The following TAFA5 variants were observed in gnomAD, a reference collection of about 807,000 sequenced individuals.
TAFA5 encodes the protein chemokine-like protein TAFA-5.
A neutral mutation model predicts 15.3 loss-of-function variants in TAFA5; 6 were observed. The ratio of observed to expected loss-of-function variants is 0.39; its 90% CI spans 0.21 to 0.77. TAFA5 has a LOEUF of 0.77. Ranked by LOEUF, TAFA5 falls within the 30% of genes least tolerant of loss-of-function variation. The probability of loss-of-function intolerance (pLI) is 0.41; values close to 1 mark genes in which losing one functional copy is unlikely to be tolerated. For synonymous variants in TAFA5, 103 were observed against 80.7 expected (o/e 1.28, Z -1.48); for missense variants, 161 against 193.1 (o/e 0.83, Z 0.98).
intron 2 of TAFA5, among the ~76,000 whole-genome samples, chr22:48,671,199 C>T (rs972779896): frequency 1.3e-5 from 2 of 152,156 alleles, no homozygotes; most frequent in Admixed American, 6.5e-5. Context: ...TGCTAAGCTT[C>T]CCCAGGAGCT....
At chr22:48,579,852 G>A (rs1923967697) in intron 1 of TAFA5, among the ~76,000 whole-genome samples, 1 of 152,216 alleles carries the variant, frequency 6.6e-6, no homozygotes, top group Non-Finnish European at 1.5e-5. Flanking sequence ...GGCACCCAAA[G>A]GGACATGAGA....
intron 2 of TAFA5, among the ~76,000 whole-genome samples, chr22:48,664,522 G>A (rs1350458757): frequency 6.6e-6 from 1 of 152,110 alleles, no homozygotes; most frequent in African/African-American, 2.4e-5. Context: ...TTTTTAAAGT[G>A]TAACTTAAAA....
At chr22:48,719,893 A>G (rs138381145) in intron 3 of TAFA5, among the ~76,000 whole-genome samples, 75 of 149,418 alleles carry the variant, frequency 5.0e-4, no homozygotes, top group African/African-American at 1.8e-3. Context: ...TCATTTTCTC[A>G]GCAGAAATGA....
chr22:48,556,374 A>G (rs1198587788), intron 1 of TAFA5, among the ~76,000 whole-genome samples: 1 of 152,190 alleles, frequency 6.6e-6, no homozygotes, highest in East Asian at 1.9e-4. Flanking sequence ...AGGGAGAAGC[A>G]ATTAAATGTA....
intron 1 of TAFA5, among the ~76,000 whole-genome samples, chr22:48,533,932 C>T (rs1250070016): frequency 1.3e-5 from 2 of 152,146 alleles, no homozygotes; most frequent in African/African-American, 4.8e-5. Flanking sequence ...AGGGCATGGG[C>T]CATGGTTTGT....
At chr22:48,551,426 C>A (rs1922852146) in intron 1 of TAFA5, among the ~76,000 whole-genome samples, 1 of 152,216 alleles carries the variant, frequency 6.6e-6, no homozygotes, top group Admixed American at 6.5e-5. Flanking sequence ...TGGGCAAGGC[C>A]ACTGTCCATG....
At chr22:48,669,687 G>A (rs979912069) in intron 2 of TAFA5, among the ~76,000 whole-genome samples, 1 of 152,234 alleles carries the variant, frequency 6.6e-6, no homozygotes, top group Admixed American at 6.5e-5. Context: ...AAATGACCGA[G>A]TCAGGCTCCT....
intron 1 of TAFA5, among the ~76,000 whole-genome samples, chr22:48,502,802 A>G (rs1569160765): frequency 6.6e-6 from 1 of 152,128 alleles, no homozygotes; most frequent in Non-Finnish European, 1.5e-5. Flanking sequence ...GATTACAGGC[A>G]TGAGCCACCA....
intron 3 of TAFA5, among the ~76,000 whole-genome samples, chr22:48,714,710 C>T (rs992600603): frequency 5.9e-5 from 9 of 152,262 alleles, no homozygotes; most frequent in Non-Finnish European, 1.3e-4. Context: ...TCTGGATACA[C>T]TTCCTGCCTG....
At chr22:48,635,230 G>A (rs1016343268) in intron 1 of TAFA5, among the ~76,000 whole-genome samples, 8 of 152,226 alleles carry the variant, frequency 5.3e-5, no homozygotes, top group Non-Finnish European at 1.2e-4. Flanking sequence ...GGCTGGGTCT[G>A]AGAGGTTGAC....
chr22:48,718,251 C>CAG (rs1169178114), intron 3 of TAFA5, among the ~76,000 whole-genome samples: 48 of 152,210 alleles, frequency 3.2e-4, no homozygotes, highest in Admixed American at 2.2e-3. Flanking sequence ...CCCTGCACAG[C>CAG]AGACACTGGG....
intron 1 of TAFA5, among the ~76,000 whole-genome samples, chr22:48,584,612 G>T (rs1015923598): frequency 4.3e-5 from 5 of 116,788 alleles, no homozygotes; most frequent in Non-Finnish European, 7.1e-5. Context: ...CACCACACAC[G>T]CATGCACACA....
chr22:48,617,006 G>A (rs1251951113), intron 1 of TAFA5, among the ~76,000 whole-genome samples: 1 of 152,210 alleles, frequency 6.6e-6, no homozygotes, highest in Non-Finnish European at 1.5e-5. Context: ...GGCTGGGCTG[G>A]GAGCGTGGAT....
chr22:48,707,986 C>T lies in TAFA5; in HGVS notation c.390+142C>T, dbSNP rs1434217005. On this transcript the variant is annotated intron_variant, in intron 3 of 3. Transcript: ENST00000402357. ...CAGAGAGGCCAGGGCCCTGTCTCCT[C>T]CCCCACCTCCCTCTCTGGTGCTAAA... is the stretch of plus-strand genomic sequence containing the variant. 8 of 1,080,810 alleles carry T rather than the reference C, an allele frequency of 7.4e-6. No individual in the cohort carries two copies. In the East Asian group the frequency reaches 1.4e-4, roughly 19 times the overall value. 67.0% of individuals were successfully genotyped at this position (1,080,810 alleles called of 1,614,324 possible). A position where few individuals can be genotyped will look rare whatever the true frequency, so the allele number is the denominator to read the frequency against.
chr22:48,739,134 C>T (rs1026222895), intron 3 of TAFA5, among the ~76,000 whole-genome samples: 2 of 152,192 alleles, frequency 1.3e-5, no homozygotes, highest in African/African-American at 4.8e-5. Flanking sequence ...AGAACCCTCC[C>T]CCGCACCAGG....
At chr22:48,619,743 T>A (rs1294012410) in intron 1 of TAFA5, among the ~76,000 whole-genome samples, 4 of 152,252 alleles carry the variant, frequency 2.6e-5, no homozygotes, top group Non-Finnish European at 1.5e-5. Context: ...GGCGTCACGC[T>A]GCCTGCCGGG....
chr22:48,682,579 C>T (rs556384650), intron 2 of TAFA5, among the ~76,000 whole-genome samples: 8 of 152,330 alleles, frequency 5.3e-5, no homozygotes, highest in Middle Eastern at 3.4e-3. Flanking sequence ...AAGACCCTGA[C>T]GTCATTTGCA....
chr22:48,732,666 G>A (rs967819946), intron 3 of TAFA5, among the ~76,000 whole-genome samples: 1 of 152,226 alleles, frequency 6.6e-6, no homozygotes, highest in Non-Finnish European at 1.5e-5. Flanking sequence ...CAGTGCAGCG[G>A]CAGGTGTGAG....
intron 1 of TAFA5, among the ~76,000 whole-genome samples, chr22:48,493,451 C>A (rs139904349): frequency 6.6e-6 from 1 of 152,306 alleles, no homozygotes; most frequent in Non-Finnish European, 1.5e-5. Context: ...TGTTGCATTT[C>A]CTTTATAAAT....
Sources: gnomAD v4.1 joint callset for allele counts (sites outside exome capture counted in the v4.1 genomes callset) on GRCh38, gnomAD v4.1.1 for gene constraint, MANE v1.5 for transcripts, NCBI Gene and HGNC (gene_info 2026-07-23, HGNC 2026-07-21) for gene names.